EYA1: variants seen among roughly 807,000 people sequenced by gnomAD.
The protein encoded by EYA1 is EYA transcriptional coactivator and phosphatase 1.
Under a neutral mutation model 82.0 loss-of-function variants are expected in EYA1, and 16 were observed. The ratio of observed to expected loss-of-function variants is 0.20; its 90% CI spans 0.13 to 0.30. The LOEUF (loss-of-function observed/expected upper bound fraction) is 0.30, where lower values mean the gene tolerates loss of function less well. Among genes scored for constraint, EYA1 ranks in the 10% least tolerant of loss-of-function variants. EYA1 has a pLI of 1.00. For missense variants in EYA1, 633 were observed against 730.7 expected (o/e 0.87, Z 1.54); for synonymous variants, 261 against 264.4 (o/e 0.99, Z 0.12).
intron 2 of EYA1, among the ~76,000 whole-genome samples, chr8:71,512,470 A>T (rs1481366635): frequency 2.0e-5 from 3 of 152,114 alleles, no homozygotes; most frequent in Non-Finnish European, 2.9e-5. Context: ...AAGCTCTAGG[A>T]AGAAACAGGA....
At chr8:71,491,577 A>G (rs1238506532) in intron 2 of EYA1, among the ~76,000 whole-genome samples, 2 of 152,210 alleles carry the variant, frequency 1.3e-5, no homozygotes, top group Non-Finnish European at 2.9e-5. Context: ...TAGAACACAG[A>G]CAACCATGTG....
intron 7 of EYA1, among the ~76,000 whole-genome samples, chr8:71,313,472 GATA>G (rs2129017761): frequency 6.6e-6 from 1 of 152,234 alleles, no homozygotes; most frequent in East Asian, 1.9e-4. Context: ...GGACCATAAT[GATA>G]ATAATGAAAA....
At chr8:71,456,224 A>G (rs1224257517) in intron 2 of EYA1, among the ~76,000 whole-genome samples, 2 of 152,234 alleles carry the variant, frequency 1.3e-5, no homozygotes, top group African/African-American at 4.8e-5. Context: ...CTCTTCAAGG[A>G]GAACTACAAA....
chr8:71,263,349 T>A (rs1035435622), intron 11 of EYA1, among the ~76,000 whole-genome samples: 13 of 152,198 alleles, frequency 8.5e-5, no homozygotes, highest in African/African-American at 3.1e-4. Context: ...AAAAGCTGCA[T>A]GATGAAAATG....
chr8:71,514,428 G>A (rs1265857257), intron 2 of EYA1, among the ~76,000 whole-genome samples: 2 of 152,008 alleles, frequency 1.3e-5, no homozygotes, highest in African/African-American at 2.4e-5. Flanking sequence ...AGAAAAGTCT[G>A]GAATGATATA....
At chr8:71,350,350 A>C (rs535718227) in intron 3 of EYA1, among the ~76,000 whole-genome samples, 34 of 152,304 alleles carry the variant, frequency 2.2e-4, no homozygotes, top group East Asian at 9.6e-4. Flanking sequence ...AAATCCAGAT[A>C]ATTTACTAGT....
intron 2 of EYA1, among the ~76,000 whole-genome samples, chr8:71,490,603 A>T (rs1467981470): frequency 6.6e-6 from 1 of 152,198 alleles, no homozygotes; most frequent in African/African-American, 2.4e-5. Flanking sequence ...GAGGAGCTGA[A>T]AAAAATATGT....
intron 2 of EYA1, among the ~76,000 whole-genome samples, chr8:71,419,497 TAAAG>T (rs1459865538): frequency 6.6e-6 from 1 of 152,152 alleles, no homozygotes; most frequent in Non-Finnish European, 1.5e-5. Flanking sequence ...TTTCTTTTCA[TAAAG>T]ACTGTCAAAA....
At chr8:71,223,813 C>T (rs1176871464) in intron 12 of EYA1, among the ~76,000 whole-genome samples, 1 of 152,176 alleles carries the variant, frequency 6.6e-6, no homozygotes, top group Admixed American at 6.5e-5. Flanking sequence ...AGATTTTGTA[C>T]AGAGGCTCAT....
Position 71,317,581 on chromosome 8 carries a change from C to A in EYA1, c.527G>T (p.Gly176Val). ...YGTSFSTPQP[G>V]QAPYSYQMQG... ...CATCTGGTAGCTGTATGGTGCCTGT[C>A]CAGGTTGAGGGGTACTGAAGCTTGT... is the stretch of plus-strand genomic sequence containing the variant. The change falls in exon 7 of 18, where the codon GGA becomes GTA. Residue 176 changes from glycine to valine, a missense_variant. Physicochemically the swap from Gly to Val is moderately radical, Grantham distance 109 (BLOSUM62 -3). Coordinates refer to ENST00000340726, the MANE Select transcript of EYA1 (RefSeq NM_000503.6). 6.2e-7 allele frequency: 1 copy of A among 1,614,106 alleles called. No homozygotes were observed. Among genetic ancestry groups the A allele is most frequent in the Non-Finnish European group, 8.5e-7 (1 of 1,179,996 alleles).
intron 9 of EYA1, among the ~76,000 whole-genome samples, chr8:71,282,943 T>TTG (rs1817978611): frequency 6.6e-6 from 1 of 151,890 alleles, no homozygotes; most frequent in African/African-American, 2.4e-5. Flanking sequence ...ACCTTGTTTT[T>TTG]TTTTTTTTTT....
At position 71,440,003 on chromosome 8, in the gene EYA1, A is replaced by G. The variant is rs553872710; in HGVS notation, c.34-83492T>C. The stretch of plus-strand genomic sequence containing the variant: ...CTAAAAATAATAATTATTTTTAAAG[A>G]CTAGATAAGCCAAAGCAAAGATGGC... On this transcript the variant is annotated intron_variant, in intron 2 of 18. Coordinates refer to the EYA1 transcript ENST00000643681. 1.4e-4 allele frequency among the ~76,000 whole-genome samples: 22 copies of G among 152,202 alleles called. 1 individual carries two copies. Among genetic ancestry groups the G allele is most frequent in the Non-Finnish European group, 2.6e-4 (18 of 68,044 alleles).
At chr8:71,419,004 G>A (rs926389067) in intron 2 of EYA1, among the ~76,000 whole-genome samples, 5 of 152,288 alleles carry the variant, frequency 3.3e-5, no homozygotes, top group African/African-American at 1.2e-4. Context: ...TATTGTTGCT[G>A]GAGCAACTTA....
At chr8:71,450,220 G>C (rs1338745235) in intron 2 of EYA1, among the ~76,000 whole-genome samples, 4 of 152,186 alleles carry the variant, frequency 2.6e-5, no homozygotes, top group Non-Finnish European at 5.9e-5. Context: ...TGGCACAAGA[G>C]GCCTACTTTT....
At chr8:71,495,911 C>T (rs866293704) in intron 2 of EYA1, among the ~76,000 whole-genome samples, 2 of 152,286 alleles carry the variant, frequency 1.3e-5, no homozygotes, top group Middle Eastern at 6.8e-3. Flanking sequence ...AACAACCCCA[C>T]GAGCAGTGTG....
intron 2 of EYA1, among the ~76,000 whole-genome samples, chr8:71,439,208 A>G (rs764941088): frequency 2.5e-4 from 38 of 152,208 alleles, no homozygotes; most frequent in Non-Finnish European, 2.5e-4. Context: ...AGCTGGGACT[A>G]GAACCCAAAA....
intron 2 of EYA1, among the ~76,000 whole-genome samples, chr8:71,504,050 G>A (rs1000570772): frequency 6.6e-6 from 1 of 152,088 alleles, no homozygotes; most frequent in Admixed American, 6.6e-5. Flanking sequence ...GTACATAAAT[G>A]TTTTATTTAT....
At chr8:71,424,469 C>T (rs1247409525) in intron 2 of EYA1, among the ~76,000 whole-genome samples, 2 of 152,174 alleles carry the variant, frequency 1.3e-5, no homozygotes, top group Non-Finnish European at 2.9e-5. Context: ...TGTGAATATA[C>T]ATGGTATATG....
At chr8:71,329,488 A>C (rs528439520) in intron 4 of EYA1, among the ~76,000 whole-genome samples, 2 of 152,166 alleles carry the variant, frequency 1.3e-5, no homozygotes, top group Admixed American at 1.3e-4. Context: ...TTCAACCTTC[A>C]GCTCTACTGT....
Sources: gnomAD v4.1 joint callset for allele counts (sites outside exome capture counted in the v4.1 genomes callset) on GRCh38, gnomAD v4.1.1 for gene constraint, MANE v1.5 for transcripts, NCBI Gene and HGNC (gene_info 2026-07-23, HGNC 2026-07-21) for gene names.